Variants in DCX observed in about 807,000 individuals in gnomAD.
The protein encoded by DCX is neuronal migration protein doublecortin.
A neutral mutation model predicts 20.9 loss-of-function variants in DCX; 4 were observed. The observed-to-expected ratio is 0.19, with a 90% CI of 0.09 to 0.44. DCX has a LOEUF of 0.44. DCX is among the 20% of genes least tolerant of loss of function. DCX has a pLI of 0.99. For synonymous variants in DCX, 103 were observed against 111.4 expected, an observed-to-expected ratio of 0.92 and a Z score of 0.47; for missense variants, 133 against 296.9, an observed-to-expected ratio of 0.45 and a Z score of 4.06.
intron 2 of DCX, among the ~76,000 whole-genome samples, chrX:111,406,725 C>T (rs776183729): frequency 1.2e-3 from 132 of 112,110 alleles, no homozygotes; most frequent in Middle Eastern, 4.7e-3. Flanking sequence ...ATATGAAGTG[C>T]GCAGAATAGG....
intron 3 of DCX, 59 bp downstream of exon 3, chrX:111,400,931 T>C (rs780178574): frequency 3.9e-6 from 4 of 1,038,129 alleles, no homozygotes; most frequent in South Asian, 3.8e-5. Flanking sequence ...ATTTTAGGTA[T>C]AACATGATCA....
rs780872657 is a variant in DCX at position 111,301,547 on chromosome X, A to G, written c.*140T>C. 14 of 634,068 alleles carry G rather than the reference A, an allele frequency of 2.2e-5. No individual in the cohort carries two copies. Among genetic ancestry groups the G allele is most frequent in the East Asian group, 1.6e-4 (5 of 30,776 alleles). The allele number at this position is 634,068 out of a possible 1,213,427, so 52.3% of individuals were successfully genotyped here. ...CAGGAAAATAAACCCAACATATTAC[A>G]ATGTGTTTTTCAAAATAACAACAAC... On this transcript the variant is annotated 3_prime_UTR_variant, in exon 7 of 7. Coordinates refer to ENST00000636035, the MANE Select transcript of DCX (RefSeq NM_001195553.2).
chrX:111,344,007 C>T (rs773081111), intron 3 of DCX, among the ~76,000 whole-genome samples: 73 of 111,082 alleles, frequency 6.6e-4, no homozygotes, highest in Non-Finnish European at 1.2e-3. Context: ...ACTGGTGAAC[C>T]GAATCAAGTA....
At position 111,294,486 on chromosome X, in the gene DCX, C is replaced by A. The variant is rs1350150917; in HGVS notation, c.*7201G>T. The A allele has an allele frequency of 9.0e-6, 1 of 111,243 alleles. No homozygotes were observed. Among genetic ancestry groups the A allele is most frequent in the Admixed American group, 9.6e-5 (1 of 10,435 alleles). 9.2% of individuals were successfully genotyped at this position (111,243 alleles called of 1,213,427 possible). On this transcript the variant is annotated 3_prime_UTR_variant, in exon 7 of 7. Transcript: ENST00000636035. ...GTAATCAAATGGCCAAATACAACCC[C>A]AATTTACCACTGATTTTTACGTAAA...
chrX:111,311,534 C>A (rs992523004), intron 6 of DCX, among the ~76,000 whole-genome samples: 2 of 111,708 alleles, frequency 1.8e-5, no homozygotes, highest in African/African-American at 6.5e-5. Context: ...AAGTTAAAAA[C>A]GTGATGTCAC....
intron 2 of DCX, among the ~76,000 whole-genome samples, chrX:111,404,165 G>A (rs771849928): frequency 1.8e-5 from 2 of 110,874 alleles, no homozygotes; most frequent in Admixed American, 1.9e-4. Flanking sequence ...CTAATCTTAC[G>A]GAATAGAAGC....
intron 6 of DCX, among the ~76,000 whole-genome samples, chrX:111,310,760 C>A (rs2147590825): frequency 8.9e-6 from 1 of 112,461 alleles, no homozygotes; most frequent in Admixed American, 9.4e-5. Context: ...AATGCTGCCA[C>A]CTGTGAGCTT....
At chrX:111,371,934 A>G (rs201557216) in intron 3 of DCX, among the ~76,000 whole-genome samples, 49 of 6,998 alleles carry the variant, frequency 7.0e-3, no homozygotes, top group Middle Eastern at 0.11. Context: ...ATATATGTGT[A>G]CACACACACA....
At chrX:111,364,982 C>T (rs1488405040) in intron 3 of DCX, among the ~76,000 whole-genome samples, 1 of 110,035 alleles carries the variant, frequency 9.1e-6, no homozygotes, top group African/African-American at 3.3e-5. Context: ...GCCTTCACCT[C>T]CTGGACTGAA....
At chrX:111,391,698 A>C (rs1926966617) in intron 3 of DCX, among the ~76,000 whole-genome samples, 1 of 110,987 alleles carries the variant, frequency 9.0e-6, no homozygotes, top group African/African-American at 3.3e-5. Flanking sequence ...GACAACCAAA[A>C]ATATATCTAC....
chrX:111,384,159 A>G (rs1926195580), intron 3 of DCX, among the ~76,000 whole-genome samples: 1 of 111,292 alleles, frequency 9.0e-6, no homozygotes, highest in South Asian at 3.8e-4. Context: ...TAGCCTTTAT[A>G]CCTTTATCTA....
At position 111,390,400 on chromosome X, in the gene DCX, T is replaced by C. The variant is rs188436877; in HGVS notation, c.705+10590A>G. On this transcript the variant is annotated intron_variant, in intron 3 of 6. Transcript: ENST00000636035. ...TCTGACCTACGGAACTGTGACATAA[T>C]AAATGAGTGTTGTTCTAAGCTGCTA... 1.6e-4 allele frequency among the ~76,000 whole-genome samples: 18 copies of C among 112,138 alleles called. No homozygotes were observed. The East Asian group carries it at 5.1e-3, about 32-fold the overall frequency.
rs2147558272 is a variant in DCX, at chrX:111,295,583, A to G, written c.*6104T>C. ...CCATCCAGCCAAAACAAATGACAGG[A>G]GAAATTACCTGTGGTCCCTCATTAT... On this transcript the variant is annotated 3_prime_UTR_variant, in exon 7 of 7. Transcript: ENST00000636035. 8.9e-6 allele frequency: 1 copy of G among 112,037 alleles called. No homozygotes were observed. Among genetic ancestry groups the G allele is most frequent in the South Asian group, 3.8e-4 (1 of 2,657 alleles). 9.2% of individuals were successfully genotyped at this position (112,037 alleles called of 1,213,427 possible). A position where few individuals can be genotyped will look rare whatever the true frequency, so the allele number is the denominator to read the frequency against.
intron 5 of DCX, among the ~76,000 whole-genome samples, chrX:111,329,528 G>A (rs763245436): frequency 1.5e-4 from 17 of 111,316 alleles, no homozygotes; most frequent in African/African-American, 4.6e-4. Flanking sequence ...TTACCCCAAA[G>A]ATATGAATGG....
In DCX at chrX:111,384,439, CT is replaced by C. The variant is rs201052828; in HGVS notation, c.705+16550del. Among the ~76,000 whole-genome samples the C allele has an allele frequency of 6.3e-3, 706 of 111,484 alleles. 1 individual carries two copies. The highest frequency in any genetic ancestry group is 0.021 in the African/African-American group (640 of 30,662). On this transcript the variant is annotated intron_variant, in intron 3 of 6. Transcript: ENST00000636035. ...TATGAACATGATAATGCCTCTGCCC[CT>C]GACAGTTGTTCATATGTTACTCTAA...
chrX:111,335,330 C>G (rs1290481679), intron 3 of DCX, among the ~76,000 whole-genome samples: 2 of 112,116 alleles, frequency 1.8e-5, no homozygotes, highest in Non-Finnish European at 3.8e-5. Context: ...ATACCTTCCT[C>G]TATATCTTCC....
At chrX:111,318,136 G>T (rs1243591551) in intron 5 of DCX, among the ~76,000 whole-genome samples, 1 of 94,862 alleles carries the variant, frequency 1.1e-5, no homozygotes, top group Non-Finnish European at 2.0e-5. Flanking sequence ...AGTGAGCTGA[G>T]ATCATGCCAC....
intron 1 of DCX, 197 bp from the exon 2 acceptor site, chrX:111,410,617 G>A (rs1928629225): frequency 3.6e-6 from 3 of 832,522 alleles, no homozygotes; most frequent in African/African-American, 2.1e-5. Context: ...TCTTAATAGA[G>A]AAGAAGGAGG....
At position 111,294,580 on chromosome X, in the gene DCX, T is replaced by A; in HGVS notation, c.*7107A>T. On this transcript the variant is annotated 3_prime_UTR_variant, in exon 7 of 7. Coordinates refer to ENST00000636035, the MANE Select transcript of DCX (RefSeq NM_001195553.2). Reference sequence around the variant, plus strand: ...TAACTGCTGAGAGATGGTTGAGAAATGCCTTTTCCCCACATTTTGGTTTGT... The same window carrying A: ...TAACTGCTGAGAGATGGTTGAGAAAAGCCTTTTCCCCACATTTTGGTTTGT... 1 of 111,991 alleles carries A rather than the reference T, an allele frequency of 8.9e-6. No individual in the cohort carries two copies. Among genetic ancestry groups the A allele is most frequent in the Middle Eastern group, 4.6e-3 (1 of 218 alleles). 9.2% of individuals were successfully genotyped at this position (111,991 alleles called of 1,213,427 possible). A position where few individuals can be genotyped will look rare whatever the true frequency, so the allele number is the denominator to read the frequency against.
Sources: allele counts gnomAD v4.1 joint callset (sites outside exome capture counted in the v4.1 genomes callset), GRCh38; gene constraint gnomAD v4.1.1; transcripts MANE v1.5; gene names NCBI Gene and HGNC (gene_info 2026-07-23, HGNC 2026-07-21).